ADAMTS12: variants seen among roughly 807,000 people sequenced by gnomAD.
ADAMTS12 encodes A disintegrin and metalloproteinase with thrombospondin motifs 12.
In ADAMTS12, 118 loss-of-function variants were observed where a neutral mutation model predicts 167.8. The ratio of observed to expected loss-of-function variants is 0.70; its 90% CI spans 0.61 to 0.82. The LOEUF (loss-of-function observed/expected upper bound fraction) is 0.82, where lower values mean the gene tolerates loss of function less well. ADAMTS12 is among the 40% of genes least tolerant of loss of function. The probability of loss-of-function intolerance (pLI) is 0.00; values close to 1 mark genes in which losing one functional copy is unlikely to be tolerated. For missense variants in ADAMTS12, 1,916 were observed against 1,998.8 expected, an observed-to-expected ratio of 0.96 and a Z score of 0.79; for synonymous variants, 704 against 716.9, an observed-to-expected ratio of 0.98 and a Z score of 0.29.
rs1180763717 is a variant in ADAMTS12 at position 33,641,846 on chromosome 5, C to A, written c.1682G>T (p.Gly561Val). Residue 561 changes from glycine (G) to valine (V), a missense_variant, in exon 11 of 24, where the codon GGA becomes GTA. Physicochemically the swap from Gly to Val is moderately radical, Grantham distance 109. Transcript: ENST00000504830. ...WSHCSRTCGA[G>V]VQSAERLCNN... ...GCAGAGCCTCTCTGCGCTCTGGACTCCAGCCCCACAGGTCCTGGAACAGTG... is the reference window on the plus strand; with the variant it reads ...GCAGAGCCTCTCTGCGCTCTGGACTACAGCCCCACAGGTCCTGGAACAGTG... 6.2e-7 allele frequency: 1 copy of A among 1,613,482 alleles called. No individual in the cohort carries two copies. The highest frequency in any genetic ancestry group is 1.7e-5 in the Admixed American group (1 of 60,014).
chr5:33,836,400 G>A (rs1396737024), intron 2 of ADAMTS12, among the ~76,000 whole-genome samples: 1 of 152,168 alleles, frequency 6.6e-6, no homozygotes, highest in African/African-American at 2.4e-5. Context: ...TTACATTTCT[G>A]GGAGAGGGTA....
chr5:33,662,176 G>T, intron 5 of ADAMTS12, 136 bp from the exon 6 acceptor site: 1 of 1,118,070 alleles, frequency 8.9e-7, no homozygotes. Context: ...GCAGTCATGT[G>T]GCAGAGGCCA....
At chr5:33,806,234 T>A (rs1398007926) in intron 2 of ADAMTS12, among the ~76,000 whole-genome samples, 2 of 152,176 alleles carry the variant, frequency 1.3e-5, no homozygotes, top group Non-Finnish European at 2.9e-5. Flanking sequence ...TACAAAAAAA[T>A]ACTGCGTGTT....
intron 3 of ADAMTS12, among the ~76,000 whole-genome samples, chr5:33,721,809 T>C (rs924248605): frequency 6.6e-6 from 1 of 152,210 alleles, no homozygotes; most frequent in Non-Finnish European, 1.5e-5. Flanking sequence ...AAGTTTTTGC[T>C]GAGAGTGACA....
intron 22 of ADAMTS12, among the ~76,000 whole-genome samples, chr5:33,541,232 T>C (rs1744681445): frequency 6.6e-6 from 1 of 152,110 alleles, no homozygotes; most frequent in Admixed American, 6.5e-5. Context: ...AGAAAAAGTG[T>C]CAGTGATTGA....
chr5:33,562,912 A>G (rs1745816982), intron 19 of ADAMTS12, among the ~76,000 whole-genome samples: 1 of 152,038 alleles, frequency 6.6e-6, no homozygotes, highest in Admixed American at 6.5e-5. Context: ...GATTACAGGC[A>G]TGAGTCACCA....
chr5:33,808,632 A>G (rs1747330745), intron 2 of ADAMTS12, among the ~76,000 whole-genome samples: 1 of 152,242 alleles, frequency 6.6e-6, no homozygotes, highest in Non-Finnish European at 1.5e-5. Flanking sequence ...TGCATTGCAT[A>G]TAAAAAGGGA....
In ADAMTS12 at chr5:33,554,711, G is replaced by T. The variant is rs538271978; in HGVS notation, c.4126-5328C>A. Among the ~76,000 whole-genome samples, 119 of 152,234 alleles carry T rather than the reference G, an allele frequency of 7.8e-4. 2 individuals are homozygous for T. Among genetic ancestry groups the T allele is most frequent in the Admixed American group, 7.8e-3 (119 of 15,286 alleles). On this transcript the variant is annotated intron_variant, in intron 20 of 23. Transcript: ENST00000504830. The stretch of plus-strand genomic sequence containing the variant: ...TTTGTCTGTATTTAGCAAAACAAAG[G>T]CTATTCTCCCATTTCATTCATTTGT...
At chr5:33,748,359 G>A (rs1476752897) in intron 3 of ADAMTS12, among the ~76,000 whole-genome samples, 1 of 152,106 alleles carries the variant, frequency 6.6e-6, no homozygotes, top group African/African-American at 2.4e-5. Flanking sequence ...GATCTTAGAG[G>A]AAACAAGAAT....
At chr5:33,683,410 T>G (rs999277410) in intron 4 of ADAMTS12, among the ~76,000 whole-genome samples, 1 of 152,186 alleles carries the variant, frequency 6.6e-6, no homozygotes, top group African/African-American at 2.4e-5. Context: ...CCCACCTCAA[T>G]AGGACTAACA....
chr5:33,827,425 C>T (rs1338867370), intron 2 of ADAMTS12, among the ~76,000 whole-genome samples: 1 of 152,046 alleles, frequency 6.6e-6, no homozygotes, highest in African/African-American at 2.4e-5. Flanking sequence ...CCCGTTAATA[C>T]CTTCATTTCA....
rs116614333 is a variant in ADAMTS12 at position 33,561,259 on chromosome 5, A to T, written c.3973-80T>A. On this transcript the variant is annotated intron_variant, in intron 19 of 23. Transcript: ENST00000504830. ...GCCCCATCACTGGGATCCTGGAGTC[A>T]GTTCTCAGTCCCGTTTGCTAACATT... 5.8e-5 allele frequency: 89 copies of T among 1,543,820 alleles called. 1 individual carries two copies. The East Asian group carries it at 2.0e-3, about 35-fold the overall frequency.
chr5:33,688,201 A>G (rs1456625966), intron 3 of ADAMTS12, among the ~76,000 whole-genome samples: 2 of 152,196 alleles, frequency 1.3e-5, no homozygotes, highest in African/African-American at 4.8e-5. Context: ...CAAGCAAAGA[A>G]GAATTGCCAG....
chr5:33,569,373 C>T (rs191751403), intron 19 of ADAMTS12, among the ~76,000 whole-genome samples: 7 of 152,322 alleles, frequency 4.6e-5, no homozygotes, highest in East Asian at 3.9e-4. Context: ...ACACCTCACA[C>T]GGTCAGGTAC....
chr5:33,629,598 C>CCACAACCTTGCACAAAGGCTAT (rs1739824305), intron 13 of ADAMTS12, among the ~76,000 whole-genome samples: 2 of 152,130 alleles, frequency 1.3e-5, no homozygotes, highest in South Asian at 4.1e-4. Flanking sequence ...TCTGCAAACA[C>CCACAACCTTGCACAAAGGCTAT]CACAACCTTG....
At chr5:33,722,863 C>G (rs999570110) in intron 3 of ADAMTS12, among the ~76,000 whole-genome samples, 1 of 152,152 alleles carries the variant, frequency 6.6e-6, no homozygotes, top group African/African-American at 2.4e-5. Flanking sequence ...TAAATTGGAG[C>G]AGCAAACTGG....
rs922551579 is a variant in ADAMTS12 at position 33,705,300 on chromosome 5, T to C, written c.635-21245A>G. Reference sequence around the variant, plus strand: ...GTGTGTGTGTGTGTGTGTGTGTGTGTGTGCGTGTATACATTCTTTGATTGA... The same window carrying C: ...GTGTGTGTGTGTGTGTGTGTGTGTGCGTGCGTGTATACATTCTTTGATTGA... On this transcript the variant is annotated intron_variant, in intron 3 of 23. Transcript: ENST00000504830. 8.7e-5 allele frequency among the ~76,000 whole-genome samples: 13 copies of C among 149,116 alleles called. No individual in the cohort carries two copies. In the East Asian group the frequency reaches 1.6e-3, roughly 18 times the overall value.
At chr5:33,830,626 T>A (rs1182910858) in intron 2 of ADAMTS12, among the ~76,000 whole-genome samples, 3 of 151,978 alleles carry the variant, frequency 2.0e-5, no homozygotes, top group Non-Finnish European at 4.4e-5. Flanking sequence ...CTGTCTCTAT[T>A]AAAAATTGAA....
intron 2 of ADAMTS12, among the ~76,000 whole-genome samples, chr5:33,802,712 A>G (rs1383896832): frequency 6.6e-6 from 1 of 152,104 alleles, no homozygotes; most frequent in South Asian, 2.1e-4. Flanking sequence ...AAGACACTAC[A>G]TCTCAGGGGC....
Sources: allele counts gnomAD v4.1 joint callset (sites outside exome capture counted in the v4.1 genomes callset), GRCh38; gene constraint gnomAD v4.1.1; transcripts MANE v1.5; gene names NCBI Gene and HGNC (gene_info 2026-07-23, HGNC 2026-07-21).